Variants in ZRANB3 observed in about 807,000 individuals in gnomAD.
The protein encoded by ZRANB3 is DNA annealing helicase and endonuclease ZRANB3.
ZRANB3 carries 125 observed loss-of-function variants against 133.8 expected under a neutral mutation model. That is an observed-to-expected ratio of 0.93 (90% CI 0.81 to 1.08). ZRANB3 has a LOEUF of 1.08. Among genes scored for constraint, ZRANB3 ranks in the 50% least tolerant of loss-of-function variants. The probability of loss-of-function intolerance (pLI) is 0.00; values close to 1 mark genes in which losing one functional copy is unlikely to be tolerated. For synonymous variants in ZRANB3, 387 were observed against 432.7 expected (o/e 0.89, Z 1.31); for missense variants, 1,229 against 1,275.5 (o/e 0.96, Z 0.56).
chr2:135,432,069 G>A (rs1689346342), intron 2 of ZRANB3, among the ~76,000 whole-genome samples: 1 of 152,044 alleles, frequency 6.6e-6, no homozygotes, highest in South Asian at 2.1e-4. Flanking sequence ...TGACCAACAT[G>A]GAGAAACCCT....
At chr2:135,420,001 T>TAC (rs1319143809) in intron 2 of ZRANB3, among the ~76,000 whole-genome samples, 3 of 150,038 alleles carry the variant, frequency 2.0e-5, no homozygotes, top group Non-Finnish European at 4.4e-5. Flanking sequence ...TCTCGCCATA[T>TAC]ACATATATAT....
At chr2:135,313,635 A>ATTCATGCT (rs1463590812) in intron 7 of ZRANB3, 30 bp from the exon 8 acceptor site, 1 of 1,402,302 alleles carries the variant, frequency 7.1e-7, no homozygotes, top group South Asian at 1.2e-5. Flanking sequence ...ACTGTTTATG[A>ATTCATGCT]ATATAGCATA....
intron 3 of ZRANB3, chr2:135,355,183 A>G (rs1685374385): frequency 4.1e-6 from 4 of 976,278 alleles, no homozygotes; most frequent in Non-Finnish European, 3.7e-6. Context: ...TCCTGTTAAC[A>G]ACAAAAAAGC....
At chr2:135,400,177 T>C (rs1260334820) in intron 2 of ZRANB3, among the ~76,000 whole-genome samples, 1 of 151,904 alleles carries the variant, frequency 6.6e-6, no homozygotes, top group Non-Finnish European at 1.5e-5. Flanking sequence ...GAGGAAGAAG[T>C]TGCCGTGAGC....
At chr2:135,339,928 C>A (rs1387896372) in intron 6 of ZRANB3, among the ~76,000 whole-genome samples, 1 of 152,084 alleles carries the variant, frequency 6.6e-6, no homozygotes, top group Non-Finnish European at 1.5e-5. Context: ...AGAAGGGTGA[C>A]ACCTTTTAAA....
intron 6 of ZRANB3, among the ~76,000 whole-genome samples, chr2:135,318,088 T>A (rs1049526670): frequency 6.6e-6 from 1 of 152,086 alleles, no homozygotes; most frequent in African/African-American, 2.4e-5. Context: ...GGTGCTGAGA[T>A]TTGAACTTGG....
chr2:135,272,063 T>C (rs1293057807), intron 9 of ZRANB3, among the ~76,000 whole-genome samples, 176 bp from the exon 10 acceptor site: 1 of 152,244 alleles, frequency 6.6e-6, no homozygotes, highest in African/African-American at 2.4e-5. Context: ...TAGCTTCTTA[T>C]AACAATTTCT....
intron 2 of ZRANB3, among the ~76,000 whole-genome samples, chr2:135,460,810 AT>A (rs1231382252): frequency 2.6e-5 from 4 of 152,166 alleles, no homozygotes; most frequent in African/African-American, 7.2e-5. Flanking sequence ...CAAGTATTCT[AT>A]TTTTGCCTTA....
chr2:135,273,643 A>C (rs1233568295), intron 9 of ZRANB3, among the ~76,000 whole-genome samples: 1 of 151,892 alleles, frequency 6.6e-6, no homozygotes, highest in Non-Finnish European at 1.5e-5. Context: ...GGTTCAAGCG[A>C]TTCTCCTGCC....
At chr2:135,266,313 T>C (rs188983766) in intron 11 of ZRANB3, among the ~76,000 whole-genome samples, 22 of 152,314 alleles carry the variant, frequency 1.4e-4, no homozygotes, top group African/African-American at 5.3e-4. Context: ...CTAAAACAAA[T>C]TGAAACCTTT....
intron 2 of ZRANB3, among the ~76,000 whole-genome samples, chr2:135,479,744 C>T (rs2104790668): frequency 6.6e-6 from 1 of 152,098 alleles, no homozygotes; most frequent in South Asian, 2.1e-4. Flanking sequence ...TCTCTATAGA[C>T]ACTCTTATGG....
At position 135,230,660 on chromosome 2, in the gene ZRANB3, G is replaced by A; in HGVS notation, c.1807C>T (p.Pro603Ser). 6.2e-7 allele frequency: 1 copy of A among 1,613,778 alleles called. No homozygotes were observed. Among genetic ancestry groups the A allele is most frequent in the Non-Finnish European group, 8.5e-7 (1 of 1,179,838 alleles). Reference protein sequence around the residue: ...TPSQSKQIRTPLVESVQEAKA... With the variant: ...TPSQSKQIRTSLVESVQEAKA... The stretch of plus-strand genomic sequence containing the variant: ...GCCTCCTGTACACTTTCCACGAGTG[G>A]AGTTCGGATTTGCTTGGACTGGGAT... The change falls in exon 13 of 21, where the codon CCA becomes TCA. Residue 603 changes from proline to serine, a missense_variant. Physicochemically the swap from Pro to Ser is moderately conservative, Grantham distance 74. Coordinates refer to ENST00000264159, the MANE Select transcript of ZRANB3 (RefSeq NM_032143.4).
At chr2:135,499,683 G>A (rs776780832) in intron 2 of ZRANB3, among the ~76,000 whole-genome samples, 5 of 152,128 alleles carry the variant, frequency 3.3e-5, no homozygotes, top group Non-Finnish European at 5.9e-5. Context: ...TATCTAAAAT[G>A]AAAATAAAGA....
chr2:135,228,092 T>A, intron 13 of ZRANB3, 77 bp from the exon 14 acceptor site: 2 of 1,237,820 alleles, frequency 1.6e-6, no homozygotes, highest in Non-Finnish European at 2.2e-6. Flanking sequence ...AACAGTTAGG[T>A]CTTATAAAAA....
Position 135,345,533 on chromosome 2 carries a change from A to G in ZRANB3, c.677+17T>C. On this transcript the variant is annotated intron_variant, in intron 6 of 20. Coordinates refer to ENST00000264159, the MANE Select transcript of ZRANB3 (RefSeq NM_032143.4). The stretch of plus-strand genomic sequence containing the variant: ...AAACATGTGAGGAAAAAATTTACGG[A>G]AAATAGTTTAACTTACCTGATGTGT... The G allele has an allele frequency of 6.3e-7, 1 of 1,577,966 alleles. No homozygotes were observed. The highest frequency in any genetic ancestry group is 1.2e-5 in the South Asian group (1 of 85,266).
At chr2:135,485,910 A>G (rs544342455) in intron 2 of ZRANB3, among the ~76,000 whole-genome samples, 25 of 152,246 alleles carry the variant, frequency 1.6e-4, no homozygotes, top group Non-Finnish European at 3.1e-4. Context: ...TGAATAAGTA[A>G]ATGACAAATA....
intron 2 of ZRANB3, among the ~76,000 whole-genome samples, chr2:135,434,124 T>C (rs968024963): frequency 1.1e-4 from 17 of 152,252 alleles, no homozygotes; most frequent in African/African-American, 3.4e-4. Flanking sequence ...ATCATGCCAC[T>C]GCACTCCAGC....
At chr2:135,499,234 C>T (rs1692826852) in intron 2 of ZRANB3, among the ~76,000 whole-genome samples, 1 of 152,142 alleles carries the variant, frequency 6.6e-6, no homozygotes, top group Non-Finnish European at 1.5e-5. Flanking sequence ...TAGAAAAGGA[C>T]CCATGTTGAA....
chr2:135,503,559 T>C (rs1344789415), intron 2 of ZRANB3, among the ~76,000 whole-genome samples: 1 of 152,190 alleles, frequency 6.6e-6, no homozygotes, highest in East Asian at 1.9e-4. Context: ...GAAGAGATCA[T>C]ATAACTATCA....
Sources: allele counts gnomAD v4.1 joint callset (sites outside exome capture counted in the v4.1 genomes callset), GRCh38; gene constraint gnomAD v4.1.1; transcripts MANE v1.5; gene names NCBI Gene and HGNC (gene_info 2026-07-23, HGNC 2026-07-21).